Variants in UBE3A observed in about 807,000 individuals in gnomAD.
The protein encoded by UBE3A is ubiquitin protein ligase E3A, also known as ubiquitin-protein ligase E3A.
UBE3A carries 6 observed loss-of-function variants against 83.4 expected under a neutral mutation model. The ratio of observed to expected loss-of-function variants is 0.07; its 90% CI spans 0.04 to 0.14. The LOEUF (loss-of-function observed/expected upper bound fraction) is 0.14, where lower values mean the gene tolerates loss of function less well. Ranked by LOEUF, UBE3A falls within the 10% of genes least tolerant of loss-of-function variation. The pLI, the probability that UBE3A is intolerant of heterozygous loss-of-function variation, is 1.00. For synonymous variants in UBE3A, 337 were observed against 355.4 expected (o/e 0.95, Z 0.58); for missense variants, 456 against 1,036.1 (o/e 0.44, Z 7.69).
At chr15:25,419,423 C>T (rs955723122) in intron 1 of UBE3A, 5 of 151,766 alleles carry the variant, frequency 3.3e-5, no homozygotes, top group Non-Finnish European at 5.9e-5. Context: ...AAAAATTGTA[C>T]GATAAAATGA....
At position 25,338,246 on chromosome 15, in the gene UBE3A, C is replaced by CCTAA. The variant is rs1348888052; in HGVS notation, c.*887_*890dup. On this transcript the variant is annotated 3_prime_UTR_variant, in exon 13 of 13. Coordinates refer to ENST00000648336, the MANE Select transcript of UBE3A (RefSeq NM_130839.5). ...TTTATAATAAACAAACAACAAACTT[C>CCTAA]CTAACTTTGTTGCAATAGGCTTGAC... 32 of 152,182 alleles carry CCTAA rather than the reference C, an allele frequency of 2.1e-4. No homozygotes were observed. Among genetic ancestry groups the CCTAA allele is most frequent in the African/African-American group, 6.5e-4 (27 of 41,554 alleles). 9.4% of individuals were successfully genotyped at this position (152,182 alleles called of 1,614,324 possible). A position where few individuals can be genotyped will look rare whatever the true frequency, so the allele number is the denominator to read the frequency against.
chr15:25,419,431 T>C (rs1888616315), intron 1 of UBE3A: 1 of 152,140 alleles, frequency 6.6e-6, no homozygotes, highest in African/African-American at 2.4e-5. Flanking sequence ...TACGATAAAA[T>C]GAAGAGTGAA....
intron 6 of UBE3A, among the ~76,000 whole-genome samples, chr15:25,366,804 C>A (rs1345243622): frequency 6.6e-6 from 1 of 152,072 alleles, no homozygotes; most frequent in Non-Finnish European, 1.5e-5. Flanking sequence ...CCCACCTGAG[C>A]TGAACCAAAG....
At chr15:25,427,347 C>A (rs1891618542) in intron 1 of UBE3A, among the ~76,000 whole-genome samples, 1 of 151,718 alleles carries the variant, frequency 6.6e-6, no homozygotes, top group African/African-American at 2.4e-5. Flanking sequence ...TTAGGTTGAG[C>A]CCTATAAGAT....
chr15:25,365,723 G>A (rs767901719), intron 6 of UBE3A, among the ~76,000 whole-genome samples: 129 of 148,672 alleles, frequency 8.7e-4, no homozygotes, highest in Admixed American at 2.8e-3. Context: ...ACTCCAGCCT[G>A]GGTGACAGAG....
intron 4 of UBE3A, among the ~76,000 whole-genome samples, chr15:25,402,560 C>T (rs1116423): frequency 0.12 from 18,122 of 152,142 alleles, 1,157 homozygotes; most frequent in Middle Eastern, 0.23. Flanking sequence ...CTGGGGTGGG[C>T]CTCCAAGCTT....
chr15:25,382,931 G>C (rs1397251209), intron 4 of UBE3A, among the ~76,000 whole-genome samples: 2 of 151,884 alleles, frequency 1.3e-5, no homozygotes, highest in African/African-American at 4.8e-5. Context: ...AACTATTAGA[G>C]ATTGAATCAG....
intron 6 of UBE3A, among the ~76,000 whole-genome samples, 200 bp from the exon 7 acceptor site, chr15:25,360,727 AAC>A: frequency 1.3e-5 from 2 of 152,330 alleles, no homozygotes; most frequent in South Asian, 4.1e-4. Context: ...ACAGACACAA[AAC>A]AGACACTAGC....
chr15:25,428,224 C>A (rs1397867162), intron 1 of UBE3A, among the ~76,000 whole-genome samples: 1 of 151,944 alleles, frequency 6.6e-6, no homozygotes, highest in Non-Finnish European at 1.5e-5. Context: ...GTATATTTAA[C>A]CTCAATACAA....
chr15:25,354,614 T>A lies in UBE3A; in HGVS notation c.2194A>T (p.Arg732Ter). The A allele has an allele frequency of 6.2e-7, 1 of 1,613,808 alleles. No homozygotes were observed. Among genetic ancestry groups the A allele is most frequent in the Non-Finnish European group, 8.5e-7 (1 of 1,179,894 alleles). ...SVEKQFKAFR[R>*]GFHMVTNESP... Reference sequence around the variant, plus strand: ...TCATTGGTCACCATATGAAAACCTCTCCGAAAAGCCTTGAACTGTTTTTCT... The same window carrying A: ...TCATTGGTCACCATATGAAAACCTCACCGAAAAGCCTTGAACTGTTTTTCT... The change falls in exon 10 of 13, where the codon AGA becomes TGA. Residue 732 changes from arginine (R) to a stop codon, truncating the protein, a stop_gained. Transcript: ENST00000648336. LOFTEE classifies it high-confidence loss of function.
chr15:25,389,423 C>T (rs561404164), intron 4 of UBE3A, among the ~76,000 whole-genome samples: 1 of 152,098 alleles, frequency 6.6e-6, no homozygotes, highest in Non-Finnish European at 1.5e-5. Flanking sequence ...AGATACGGCA[C>T]CAAAGGTACC....
intron 4 of UBE3A, among the ~76,000 whole-genome samples, chr15:25,387,526 A>G (rs1224254735): frequency 6.6e-6 from 1 of 152,188 alleles, no homozygotes; most frequent in Non-Finnish European, 1.5e-5. Context: ...CATCTCAAAA[A>G]AAAAAGAAAA....
chr15:25,417,422 A>T (rs958759013), intron 1 of UBE3A, among the ~76,000 whole-genome samples: 15 of 152,252 alleles, frequency 9.9e-5, no homozygotes, highest in Admixed American at 9.8e-4. Context: ...ATCTTAAAAA[A>T]TCATTAAATA....
rs528422241 is a variant in UBE3A at position 25,371,515 on chromosome 15, T to C, written c.659A>G (p.Asn220Ser). 4.3e-6 allele frequency: 7 copies of C among 1,614,092 alleles called. No homozygotes were observed. The highest frequency in any genetic ancestry group is 2.2e-5 in the South Asian group (2 of 91,072). Reference protein sequence around the residue: ...RIGDSSQGDNNLQKLGPDDVS... With the variant: ...RIGDSSQGDNSLQKLGPDDVS... ...ATCATCAGGGCCTAATTTTTGCAAA[T>C]TGTTGTCTCCCTGTGAGCTATCACC... Residue 220 changes from asparagine (N) to serine (S), a missense_variant, in exon 6 of 13, where the codon AAT becomes AGT. Asn to Ser is a conservative substitution (Grantham distance 46). Transcript: ENST00000648336. This position sits in a 1 kb window ranked among gnomAD's most constrained non-coding sequence, Gnocchi z 5.3.
intron 4 of UBE3A, among the ~76,000 whole-genome samples, chr15:25,392,431 A>T (rs2084621811): frequency 6.6e-6 from 1 of 152,180 alleles, no homozygotes; most frequent in African/African-American, 2.4e-5. Flanking sequence ...TTTCCCTTTT[A>T]AATTTCCCTT....
At chr15:25,356,624 ATAAAT>A (rs1301369042) in intron 8 of UBE3A, 62 bp downstream of exon 8, 17 of 1,481,418 alleles carry the variant, frequency 1.1e-5, no homozygotes, top group African/African-American at 1.4e-5. Flanking sequence ...AAATTTTGAC[ATAAAT>A]TAAATTTTTG....
chr15:25,345,613 G>C (rs1338518774), intron 11 of UBE3A: 1 of 144,992 alleles, frequency 6.9e-6, no homozygotes, highest in Non-Finnish European at 1.5e-5. Flanking sequence ...ACAGAACAGA[G>C]TGAAACAGTG....
intron 4 of UBE3A, among the ~76,000 whole-genome samples, chr15:25,399,929 A>G (rs994611808): frequency 1.8e-4 from 28 of 152,048 alleles, no homozygotes; most frequent in East Asian, 9.7e-4. Context: ...GCTTTGAACT[A>G]TATTTTGAAA....
rs1315555285 is a variant in UBE3A at position 25,336,132 on chromosome 15, C to T, written c.*3005G>A. 4.6e-5 allele frequency: 7 copies of T among 151,898 alleles called. No individual in the cohort carries two copies. The highest frequency in any genetic ancestry group is 7.3e-5 in the African/African-American group (3 of 41,332). The allele number at this position is 151,898 out of a possible 1,614,324, so 9.4% of individuals were successfully genotyped here. A position where few individuals can be genotyped will look rare whatever the true frequency, so the allele number is the denominator to read the frequency against. On this transcript the variant is annotated 3_prime_UTR_variant, in exon 13 of 13. Coordinates refer to ENST00000648336, the MANE Select transcript of UBE3A (RefSeq NM_130839.5). Reference sequence around the variant, plus strand: ...GACTCTGTACTTGTAAAACCCTCTACCCTCCCCAGGCAATTCTTTACACAC... The same window carrying T: ...GACTCTGTACTTGTAAAACCCTCTATCCTCCCCAGGCAATTCTTTACACAC...
Sources: gnomAD v4.1 joint callset for allele counts (sites outside exome capture counted in the v4.1 genomes callset) on GRCh38, gnomAD v4.1.1 for gene constraint, Gnocchi (gnomAD v3.1) non-coding constraint, MANE v1.5 for transcripts, NCBI Gene and HGNC (gene_info 2026-07-23, HGNC 2026-07-21) for gene names.